HEATR4: variants seen among roughly 807,000 people sequenced by gnomAD.
The protein encoded by HEATR4 is HEAT repeat containing 4.
In HEATR4, 95 loss-of-function variants were observed where a neutral mutation model predicts 108.8. The observed-to-expected ratio is 0.87, with a 90% CI of 0.74 to 1.04. The LOEUF (loss-of-function observed/expected upper bound fraction) is 1.04, where lower values mean the gene tolerates loss of function less well. Ranked by LOEUF, HEATR4 falls within the 50% of genes least tolerant of loss-of-function variation. The pLI is 0.00. For missense variants in HEATR4, 1,152 were observed against 1,253.8 expected (o/e 0.92, Z 1.23); for synonymous variants, 443 against 459.4 (o/e 0.96, Z 0.46).
chr14:73,627,776 C>T, the HEATR4 span, among the ~76,000 whole-genome samples: 10 of 117,746 alleles, frequency 8.5e-5, no homozygotes, highest in South Asian at 6.0e-4. Context: ...TTTCCCTCCT[C>T]CCCAGGTTTG....
intron 5 of HEATR4, among the ~76,000 whole-genome samples, chr14:73,515,401 G>A (rs1316586883): frequency 1.3e-5 from 2 of 151,226 alleles, no homozygotes; most frequent in South Asian, 2.1e-4. Flanking sequence ...CCTGTGAGGC[G>A]GGGTGCAGTG....
At chr14:73,487,857 G>A (rs1885511979) in intron 17 of HEATR4, among the ~76,000 whole-genome samples, 1 of 152,136 alleles carries the variant, frequency 6.6e-6, no homozygotes, top group African/African-American at 2.4e-5. Context: ...ATAATTGGGG[G>A]ACAATATGCA....
chr14:73,593,926 T>C, the HEATR4 span: 14 of 1,586,542 alleles, frequency 8.8e-6, no homozygotes, highest in Non-Finnish European at 1.2e-5. Flanking sequence ...GTCCTTTATT[T>C]AATCAGTCTC....
At chr14:73,622,375 G>A in the HEATR4 span, among the ~76,000 whole-genome samples, 5 of 152,072 alleles carry the variant, frequency 3.3e-5, no homozygotes, top group East Asian at 9.6e-4. Flanking sequence ...GCTTTTCCCT[G>A]AGAGGTGACT....
chr14:73,576,527 C>T, the HEATR4 span, among the ~76,000 whole-genome samples: 89 of 151,596 alleles, frequency 5.9e-4, 1 homozygote, highest in African/African-American at 4.8e-4. Context: ...TTAGGCTTGG[C>T]GTTGGTGACT....
In HEATR4 at chr14:73,492,593, C is replaced by T. The variant is rs776171171; in HGVS notation, c.2844+473G>A. 7 of 1,613,894 alleles carry T rather than the reference C, an allele frequency of 4.3e-6. No homozygotes were observed. The highest frequency in any genetic ancestry group is 1.3e-5 in the African/African-American group (1 of 75,022). On this transcript the variant is annotated intron_variant, in intron 17 of 17. Transcript: ENST00000553558. This position sits in a 1 kb window ranked among gnomAD's most constrained non-coding sequence, Gnocchi z 4.9. ...GGAGAGGGCACTAAGTGTTTACGGG[C>T]TTCCAATTCGCTGGGAGGCTGGAGA...
At chr14:73,626,789 CTTTTTTTT>C in the HEATR4 span, among the ~76,000 whole-genome samples, 3 of 82,348 alleles carry the variant, frequency 3.6e-5, no homozygotes, top group African/African-American at 1.2e-4. Context: ...GACAAACAGC[CTTTTTTTT>C]TTTTTTTTTT....
the HEATR4 span, among the ~76,000 whole-genome samples, chr14:73,624,332 TTGCCCAG>T: frequency 1.3e-5 from 2 of 152,096 alleles, no homozygotes; most frequent in South Asian, 4.1e-4. Flanking sequence ...TTTCGCCATG[TTGCCCAG>T]GCTGGTCTCA....
the HEATR4 span, chr14:73,581,443 ATGTGTGTGTGTGTGTCTGTGTATG>A: frequency 1.3e-4 from 19 of 150,952 alleles, no homozygotes; most frequent in South Asian, 4.2e-4. Flanking sequence ...ATGCCTCGTG[ATGTGTGTGTGTGTGTCTGTGTATG>A]TGTGTGTGTG....
chr14:73,612,519 G>A, the HEATR4 span: 1 of 1,165,384 alleles, frequency 8.6e-7, no homozygotes, highest in South Asian at 2.4e-5. Context: ...AAGCCGCCAG[G>A]CCCGCCCACT....
intron 2 of HEATR4, among the ~76,000 whole-genome samples, chr14:73,525,577 G>A (rs1173467018): frequency 1.3e-5 from 2 of 152,158 alleles, no homozygotes; most frequent in African/African-American, 4.8e-5. Context: ...AAATAGAAAG[G>A]CTAGAGCAAG....
chr14:73,584,221 G>A, the HEATR4 span, among the ~76,000 whole-genome samples: 21,887 of 149,546 alleles, frequency 0.15, 3,064 homozygotes, highest in African/African-American at 0.36. Flanking sequence ...ACAGTTAAAC[G>A]GGGCTCTTGA....
rs1268314395 is a variant in HEATR4 at position 73,506,804 on chromosome 14, G to GTTTTTTTTTTTTTTGTT, written c.1882-234_1882-233insAACAAAAAAAAAAAAAA. 4.9e-3 allele frequency among the ~76,000 whole-genome samples: 392 copies of GTTTTTTTTTTTTTTGTT among 80,436 alleles called. 33 individuals are homozygous for GTTTTTTTTTTTTTTGTT. Among genetic ancestry groups the GTTTTTTTTTTTTTTGTT allele is most frequent in the African/African-American group, 0.018 (369 of 20,368 alleles). The allele number at this position is 80,436 out of a possible 152,430, so 52.8% of individuals were successfully genotyped here. A position where few individuals can be genotyped will look rare whatever the true frequency, so the allele number is the denominator to read the frequency against. ...GGACCTTCCTTTCCTGACTTTAACT[G>GTTTTTTTTTTTTTTGTT]TTTTTTTTTTTTTTTTTTTTTCTGA... is the stretch of plus-strand genomic sequence containing the variant. On this transcript the variant is annotated intron_variant, in intron 9 of 17. Coordinates refer to ENST00000553558, the MANE Select transcript of HEATR4 (RefSeq NM_001220484.1).
chr14:73,520,593 TTACAGTTCCAC>T (rs1312889747), intron 4 of HEATR4: 2 of 363,224 alleles, frequency 5.5e-6, no homozygotes, highest in Non-Finnish European at 9.9e-6. Context: ...CTTGCCAACT[TTACAGTTCCAC>T]CCTTCATTGC....
chr14:73,502,843 A>G (rs1297917406), intron 11 of HEATR4, 52 bp downstream of exon 11: 17 of 1,440,122 alleles, frequency 1.2e-5, no homozygotes, highest in Non-Finnish European at 1.6e-5. Context: ...CCTGCCTCCT[A>G]AACACTTCTA....
chr14:73,586,890 A>C, the HEATR4 span, among the ~76,000 whole-genome samples: 4 of 152,098 alleles, frequency 2.6e-5, no homozygotes, highest in Non-Finnish European at 4.4e-5. Flanking sequence ...TTTTTTGTAG[A>C]GATGGAGTCT....
At chr14:73,573,540 C>T in the HEATR4 span, 2 of 1,613,526 alleles carry the variant, frequency 1.2e-6, no homozygotes, top group African/African-American at 2.7e-5. Flanking sequence ...GGAGACGCTC[C>T]ATCTGGAGTA....
intron 6 of HEATR4, among the ~76,000 whole-genome samples, chr14:73,513,728 CAAAAAAAAAAA>C (rs747778891): frequency 7.1e-4 from 33 of 46,758 alleles, no homozygotes; most frequent in Admixed American, 1.2e-3. Flanking sequence ...ACTACGTCTC[CAAAAAAAAAAA>C]AAAAAAAAAA....
At chr14:73,526,832 T>C (rs938694940) in intron 2 of HEATR4, among the ~76,000 whole-genome samples, 3 of 152,246 alleles carry the variant, frequency 2.0e-5, no homozygotes, top group East Asian at 1.9e-4. Context: ...GATCCAATAC[T>C]GTACTGGTCT....
Sources: gnomAD v4.1 joint callset for allele counts (sites outside exome capture counted in the v4.1 genomes callset) on GRCh38, gnomAD v4.1.1 for gene constraint, Gnocchi (gnomAD v3.1) non-coding constraint, MANE v1.5 for transcripts, NCBI Gene and HGNC (gene_info 2026-07-23, HGNC 2026-07-21) for gene names.